Variants in PIK3C2A observed in about 807,000 individuals in gnomAD.
The protein encoded by PIK3C2A is phosphatidylinositol-4-phosphate 3-kinase catalytic subunit type 2 alpha.
PIK3C2A carries 97 observed loss-of-function variants against 204.5 expected under a neutral mutation model. The ratio of observed to expected loss-of-function variants is 0.47; its 90% CI spans 0.40 to 0.56. The LOEUF is 0.56. Ranked by LOEUF, PIK3C2A falls within the 20% of genes least tolerant of loss-of-function variation. The pLI, the probability that PIK3C2A is intolerant of heterozygous loss-of-function variation, is 0.00. For synonymous variants in PIK3C2A, 653 were observed against 664.4 expected (o/e 0.98, Z 0.26); for missense variants, 1,735 against 1,969.2 (o/e 0.88, Z 2.25).
chr11:17,194,201 C>A (rs1387839181), intron 1 of PIK3C2A: 2 of 454,708 alleles, frequency 4.4e-6, no homozygotes, highest in Admixed American at 3.5e-5. Context: ...GTTGTGCCGG[C>A]CAAACGACAA....
rs202010601 is a variant in PIK3C2A at position 17,169,647 on chromosome 11, A to G, written c.95T>C (p.Leu32Ser). ...RAKDVDKEEALQMEAEALAKL... is the reference protein window; with the variant it reads ...RAKDVDKEEASQMEAEALAKL... ...TGCTAAAGCCTCTGCTTCCATCTGTAATGCTTCTTCTTTGTCCACATCTTT... is the reference window on the plus strand; with the variant it reads ...TGCTAAAGCCTCTGCTTCCATCTGTGATGCTTCTTCTTTGTCCACATCTTT... Residue 32 changes from leucine to serine, a missense_variant, in exon 2 of 33, where the codon TTA (leucine) becomes TCA (serine). By Grantham distance (145) the Leu-to-Ser change is moderately radical. Coordinates refer to ENST00000691414, the MANE Select transcript of PIK3C2A (RefSeq NM_002645.4). The G allele has an allele frequency of 1.2e-6, 2 of 1,613,460 alleles. No homozygotes were observed. Among genetic ancestry groups the G allele is most frequent in the East Asian group, 2.2e-5 (1 of 44,872 alleles).
chr11:17,102,857 T>C, intron 23 of PIK3C2A, 26 bp from the exon 24 acceptor site: 1 of 1,451,442 alleles, frequency 6.9e-7, no homozygotes, highest in Non-Finnish European at 9.5e-7. Context: ...ACAATTATTT[T>C]AGAAAATGAA....
chr11:17,181,649 T>TACACAC (rs1851566443), intron 1 of PIK3C2A, among the ~76,000 whole-genome samples: 1 of 65,604 alleles, frequency 1.5e-5, no homozygotes, highest in African/African-American at 8.0e-5. Context: ...TATATATATA[T>TACACAC]ATATATATAT....
chr11:17,153,916 C>G (rs567691076), intron 3 of PIK3C2A, among the ~76,000 whole-genome samples: 1 of 152,322 alleles, frequency 6.6e-6, no homozygotes, highest in South Asian at 2.1e-4. Flanking sequence ...ATCTCAATCT[C>G]CATGGTCACC....
chr11:17,136,556 C>G lies in PIK3C2A; in HGVS notation c.1774G>C (p.Glu592Gln). Residue 592 changes from glutamate to glutamine, a missense_variant, in exon 9 of 33, where the codon GAG (glutamate) becomes CAG (glutamine). Physicochemically the swap from Glu to Gln is conservative, Grantham distance 29. Transcript: ENST00000691414. ...RKICSALDGV[E>Q]TLAITESVKK... ...ACTGATTCTGTAATGGCAAGAGTCT[C>G]GACACCATCTAAAGCACTACAGATT... 1 of 1,599,818 alleles carries G rather than the reference C, an allele frequency of 6.3e-7. No individual in the cohort carries two copies. The highest frequency in any genetic ancestry group is 8.6e-7 in the Non-Finnish European group (1 of 1,167,212).
Position 17,092,073 on chromosome 11 carries a change from G to A in PIK3C2A, c.4570-5C>T, listed in dbSNP as rs765955017. On this transcript the variant is annotated splice_region_variant and splice_polypyrimidine_tract_variant and intron_variant, in intron 29 of 32. Coordinates refer to ENST00000691414, the MANE Select transcript of PIK3C2A (RefSeq NM_002645.4). The stretch of plus-strand genomic sequence containing the variant: ...GAAAGTACAAACAAGATCACACTAA[G>A]AATAAAGAGAAAGCAATTCATTAGT... The A allele has an allele frequency of 3.1e-6, 5 of 1,595,808 alleles. No individual in the cohort carries two copies. Among genetic ancestry groups the A allele is most frequent in the Non-Finnish European group, 4.3e-6 (5 of 1,163,538 alleles).
At chr11:17,137,410 C>CGCCTTTT (rs1849907812) in intron 8 of PIK3C2A, among the ~76,000 whole-genome samples, 3 of 82,026 alleles carry the variant, frequency 3.7e-5, no homozygotes, top group African/African-American at 1.3e-4. Context: ...TATATTACTT[C>CGCCTTTT]ATATTACTTT....
chr11:17,112,851 C>G (rs1403723123), intron 20 of PIK3C2A, among the ~76,000 whole-genome samples, 185 bp from the exon 21 acceptor site: 2 of 150,920 alleles, frequency 1.3e-5, no homozygotes, highest in Non-Finnish European at 2.9e-5. Context: ...AGTGATGCAA[C>G]CATAGCTTCC....
At chr11:17,194,196 G>A (rs1487614938) in intron 1 of PIK3C2A, 23 of 489,680 alleles carry the variant, frequency 4.7e-5, no homozygotes, top group Non-Finnish European at 7.4e-5. Context: ...CTTGGGTTGT[G>A]CCGGCCAAAC....
At chr11:17,187,465 A>G (rs1019941662) in intron 1 of PIK3C2A, among the ~76,000 whole-genome samples, 1 of 152,164 alleles carries the variant, frequency 6.6e-6, no homozygotes, top group Non-Finnish European at 1.5e-5. Context: ...GAGGTGTGTG[A>G]CCATCACTAC....
At chr11:17,178,743 G>C (rs1411712461) in intron 1 of PIK3C2A, among the ~76,000 whole-genome samples, 1 of 111,720 alleles carries the variant, frequency 9.0e-6, no homozygotes, top group Non-Finnish European at 1.8e-5. Flanking sequence ...TTTTTTTTGA[G>C]ACGGAGTCTC....
At chr11:17,160,702 T>C (rs540149971) in intron 2 of PIK3C2A, among the ~76,000 whole-genome samples, 1 of 152,250 alleles carries the variant, frequency 6.6e-6, no homozygotes, top group Non-Finnish European at 1.5e-5. Flanking sequence ...CATGCCCCTG[T>C]AGTCCCAGCT....
At chr11:17,107,181 C>T (rs1434445295) in intron 22 of PIK3C2A, among the ~76,000 whole-genome samples, 1 of 152,052 alleles carries the variant, frequency 6.6e-6, no homozygotes, top group Non-Finnish European at 1.5e-5. Flanking sequence ...GGTGTCGTGG[C>T]GGAAGCCTGT....
At chr11:17,124,509 G>A (rs536265462) in intron 13 of PIK3C2A, among the ~76,000 whole-genome samples, 3 of 149,098 alleles carry the variant, frequency 2.0e-5, no homozygotes, top group African/African-American at 5.0e-5. Context: ...AGGCTGAAGT[G>A]CAGTGGCACA....
intron 8 of PIK3C2A, chr11:17,138,385 C>T (rs1425544432): frequency 2.6e-6 from 1 of 386,498 alleles, no homozygotes; most frequent in Non-Finnish European, 4.9e-6. Flanking sequence ...CTACCTCTAG[C>T]TGCACCCTCA....
Position 17,122,782 on chromosome 11 carries a change from G to A in PIK3C2A, c.2431C>T (p.Leu811Phe), listed in dbSNP as rs139656286. 14 of 1,533,394 alleles carry A rather than the reference G, an allele frequency of 9.1e-6. No individual in the cohort carries two copies. In the African/African-American group the frequency reaches 1.8e-4, roughly 19 times the overall value. 95.0% of individuals were successfully genotyped at this position (1,533,394 alleles called of 1,614,324 possible). ...GAATTTGTATGTGATGAAGTCCAAA[G>A]ATATAGAAGTTTAGTTCCACATGTT... is the stretch of plus-strand genomic sequence containing the variant. ...FLTCGTKLLYLWTSSHTNSVP... is the reference protein window; with the variant it reads ...FLTCGTKLLYFWTSSHTNSVP... Residue 811 changes from leucine (L) to phenylalanine (F), a missense_variant, in exon 14 of 33, where the codon CTT becomes TTT. Physicochemically the swap from Leu to Phe is conservative, Grantham distance 22. This residue lies in a region of PIK3C2A where 567 missense variants were observed against 576.0 expected (regional missense o/e 0.98). Transcript: ENST00000691414.
intron 15 of PIK3C2A, among the ~76,000 whole-genome samples, chr11:17,120,683 G>A (rs535424998): frequency 2.6e-5 from 4 of 152,054 alleles, no homozygotes; most frequent in Non-Finnish European, 4.4e-5. Flanking sequence ...GCACACACAC[G>A]GATATATGTA....
At chr11:17,200,324 G>A (rs1852322769) in intron 1 of PIK3C2A, among the ~76,000 whole-genome samples, 1 of 152,136 alleles carries the variant, frequency 6.6e-6, no homozygotes, top group Non-Finnish European at 1.5e-5. Flanking sequence ...TTTAAACATA[G>A]GGGAAACTAG....
At chr11:17,196,593 G>C (rs1252467650) in intron 1 of PIK3C2A, among the ~76,000 whole-genome samples, 1 of 151,910 alleles carries the variant, frequency 6.6e-6, no homozygotes, top group African/African-American at 2.4e-5. Flanking sequence ...TTTTTGAGAC[G>C]GAGTCTTGCT....
Sources: allele counts gnomAD v4.1 joint callset (sites outside exome capture counted in the v4.1 genomes callset), GRCh38; gene constraint gnomAD v4.1.1; regional missense constraint gnomAD v4.1.1; transcripts MANE v1.5; gene names NCBI Gene and HGNC (gene_info 2026-07-23, HGNC 2026-07-21).